The following INPP4B variants were observed in gnomAD, a reference collection of about 807,000 sequenced individuals.
The protein encoded by INPP4B is inositol polyphosphate 4-phosphatase type II.
Under a neutral mutation model 122.5 loss-of-function variants are expected in INPP4B, and 55 were observed. That is an observed-to-expected ratio of 0.45 (90% CI 0.36 to 0.56). The LOEUF (loss-of-function observed/expected upper bound fraction) is 0.56. INPP4B is among the 20% of genes least tolerant of loss of function. The pLI is 0.00. For synonymous variants in INPP4B, 403 were observed against 388.7 expected, an observed-to-expected ratio of 1.04 and a Z score of -0.43; for missense variants, 1,000 against 1,097.7, an observed-to-expected ratio of 0.91 and a Z score of 1.26.
intron 25 of INPP4B, among the ~76,000 whole-genome samples, chr4:142,034,298 C>T (rs562965755): frequency 2.0e-5 from 3 of 152,124 alleles, no homozygotes; most frequent in Non-Finnish European, 2.9e-5. Flanking sequence ...GGTACTGCTA[C>T]TGGCATCTTA....
chr4:142,478,858 A>G (rs1184702984), intron 2 of INPP4B, among the ~76,000 whole-genome samples: 1 of 152,204 alleles, frequency 6.6e-6, no homozygotes, highest in Admixed American at 6.5e-5. Flanking sequence ...AAGATGTATT[A>G]AAGACTTAAA....
At chr4:142,477,403 C>A (rs1580165730) in intron 2 of INPP4B, among the ~76,000 whole-genome samples, 1 of 151,606 alleles carries the variant, frequency 6.6e-6, no homozygotes, top group African/African-American at 2.4e-5. Flanking sequence ...TAAGAGCAAA[C>A]CAACCCCAAC....
In INPP4B at chr4:142,172,875, T is replaced by A. The variant is rs377729669; in HGVS notation, c.1359+757A>T. On this transcript the variant is annotated intron_variant, in intron 16 of 25. Transcript: ENST00000262992. ...TCTCATAAAAAATTACATGATCTCCTTAAAATGCACAGGTGAAGGATGCAC... is the reference window on the plus strand; with the variant it reads ...TCTCATAAAAAATTACATGATCTCCATAAAATGCACAGGTGAAGGATGCAC... 2.6e-5 allele frequency among the ~76,000 whole-genome samples: 4 copies of A among 152,106 alleles called. No individual in the cohort carries two copies. The East Asian group carries it at 7.8e-4, about 30-fold the overall frequency.
At chr4:142,502,495 A>C (rs1349074877) in intron 2 of INPP4B, among the ~76,000 whole-genome samples, 5 of 151,956 alleles carry the variant, frequency 3.3e-5, no homozygotes, top group South Asian at 2.1e-4. Flanking sequence ...TTTATTATTT[A>C]TTTATTTATT....
chr4:142,345,607 G>A (rs1780047865), intron 7 of INPP4B, among the ~76,000 whole-genome samples: 1 of 151,970 alleles, frequency 6.6e-6, no homozygotes, highest in African/African-American at 2.4e-5. Context: ...ATGGATTATA[G>A]CACATTAATT....
chr4:142,136,609 T>C (rs1804420524), intron 18 of INPP4B, among the ~76,000 whole-genome samples: 1 of 152,096 alleles, frequency 6.6e-6, no homozygotes, highest in Non-Finnish European at 1.5e-5. Flanking sequence ...GACTGGATCA[T>C]GGAGGATGAG....
At chr4:142,262,284 T>G (rs1740477531) in intron 10 of INPP4B, among the ~76,000 whole-genome samples, 1 of 152,118 alleles carries the variant, frequency 6.6e-6, no homozygotes, top group South Asian at 2.1e-4. Context: ...ATCTCAGCCC[T>G]CAACTCCAAC....
chr4:142,538,537 A>G (rs1021949284), intron 2 of INPP4B, among the ~76,000 whole-genome samples: 2 of 152,136 alleles, frequency 1.3e-5, no homozygotes, highest in African/African-American at 2.4e-5. Flanking sequence ...AACACTAGAT[A>G]TGATATTCTT....
At chr4:142,674,037 T>G (rs1757372680) in intron 2 of INPP4B, among the ~76,000 whole-genome samples, 1 of 152,092 alleles carries the variant, frequency 6.6e-6, no homozygotes, top group Non-Finnish European at 1.5e-5. Flanking sequence ...GTAATACTTC[T>G]ACCCAGAAAA....
At chr4:142,029,860 T>A in intron 25 of INPP4B, 1 of 1,084,276 alleles carries the variant, frequency 9.2e-7, no homozygotes, top group Non-Finnish European at 1.1e-6. Flanking sequence ...CAGGATTCTG[T>A]TCTTTGTCTT....
chr4:142,334,267 TACAC>T (rs894387110), intron 7 of INPP4B, among the ~76,000 whole-genome samples: 2 of 152,246 alleles, frequency 1.3e-5, no homozygotes, highest in African/African-American at 4.8e-5. Context: ...ACTTGTATGA[TACAC>T]ACAAATACAT....
At chr4:142,260,412 A>G (rs1052964689) in intron 11 of INPP4B, 80 bp downstream of exon 11, 11 of 863,922 alleles carry the variant, frequency 1.3e-5, no homozygotes, top group Non-Finnish European at 1.8e-5. Flanking sequence ...AACTGTGAGA[A>G]TGCTGGTTCA....
intron 8 of INPP4B, among the ~76,000 whole-genome samples, chr4:142,308,456 CAACA>C (rs1175216376): frequency 6.6e-6 from 1 of 151,934 alleles, no homozygotes; most frequent in Non-Finnish European, 1.5e-5. Context: ...TATGCTGCAA[CAACA>C]AACAATGGGA....
chr4:142,393,130 G>GA (rs1455024333), intron 7 of INPP4B, among the ~76,000 whole-genome samples: 2 of 152,102 alleles, frequency 1.3e-5, no homozygotes, highest in African/African-American at 4.8e-5. Flanking sequence ...TTTAACTTAT[G>GA]AATGACATGC....
chr4:142,692,986 A>G (rs1245015107), intron 2 of INPP4B, among the ~76,000 whole-genome samples: 1 of 143,536 alleles, frequency 7.0e-6, no homozygotes, highest in Admixed American at 6.9e-5. Flanking sequence ...CATACATAGT[A>G]AATTCTAACA....
intron 15 of INPP4B, among the ~76,000 whole-genome samples, chr4:142,181,835 A>G (rs1255177757): frequency 6.6e-6 from 1 of 152,204 alleles, no homozygotes; most frequent in East Asian, 1.9e-4. Flanking sequence ...ACTGACTACT[A>G]GGCAGAACGA....
At chr4:142,285,032 G>A (rs1408430073) in intron 9 of INPP4B, among the ~76,000 whole-genome samples, 1 of 152,004 alleles carries the variant, frequency 6.6e-6, no homozygotes, top group Non-Finnish European at 1.5e-5. Flanking sequence ...TGTGGGGGAG[G>A]GGCTGTGTAG....
intron 25 of INPP4B, among the ~76,000 whole-genome samples, chr4:142,057,026 T>A (rs1758059693): frequency 6.6e-6 from 1 of 152,146 alleles, no homozygotes; most frequent in African/African-American, 2.4e-5. Flanking sequence ...AGGTCATTTG[T>A]GCTAAATGCT....
At chr4:142,240,071 CT>C (rs397878976) in intron 11 of INPP4B, among the ~76,000 whole-genome samples, 258 of 132,450 alleles carry the variant, frequency 1.9e-3, no homozygotes, top group Non-Finnish European at 1.8e-3. Flanking sequence ...TTATTGTTTT[CT>C]TTTTTTTTTT....
Sources: gnomAD v4.1 joint callset for allele counts (sites outside exome capture counted in the v4.1 genomes callset) on GRCh38, gnomAD v4.1.1 for gene constraint, MANE v1.5 for transcripts, NCBI Gene and HGNC (gene_info 2026-07-23, HGNC 2026-07-21) for gene names.